Variants in STXBP5L observed in about 807,000 individuals in gnomAD.
The protein encoded by STXBP5L is syntaxin-binding protein 5-like.
In STXBP5L, 65 loss-of-function variants were observed where a neutral mutation model predicts 144.5. That is an observed-to-expected ratio of 0.45 (90% confidence interval 0.37 to 0.55). The LOEUF (loss-of-function observed/expected upper bound fraction) is 0.55. Among genes scored for constraint, STXBP5L ranks in the 20% least tolerant of loss-of-function variants. STXBP5L has a pLI of 0.00. For synonymous variants in STXBP5L, 505 were observed against 469.6 expected (o/e 1.08, Z -0.97); for missense variants, 1,298 against 1,405.5 (o/e 0.92, Z 1.22).
intron 2 of STXBP5L, among the ~76,000 whole-genome samples, chr3:120,945,919 G>A (rs1021314613): frequency 2.0e-5 from 3 of 151,752 alleles, no homozygotes; most frequent in African/African-American, 7.3e-5. Context: ...CATGCTTTTC[G>A]CTTTTCCAGC....
At chr3:121,012,569 C>T (rs1038435813) in intron 3 of STXBP5L, among the ~76,000 whole-genome samples, 18 of 151,542 alleles carry the variant, frequency 1.2e-4, no homozygotes, top group African/African-American at 4.4e-4. Context: ...TAGGCATGTC[C>T]CTGGACTAAT....
intron 3 of STXBP5L, among the ~76,000 whole-genome samples, chr3:121,021,120 T>C (rs1945520394): frequency 8.1e-6 from 1 of 124,204 alleles, no homozygotes; most frequent in Non-Finnish European, 1.6e-5. Flanking sequence ...GGAGTAGCTA[T>C]TTTTTAATAT....
At chr3:121,154,884 C>T (rs1044665332) in intron 8 of STXBP5L, among the ~76,000 whole-genome samples, 2 of 151,722 alleles carry the variant, frequency 1.3e-5, no homozygotes, top group African/African-American at 4.8e-5. Context: ...CTTCCATCAT[C>T]GTGTTGTATA....
chr3:121,053,367 C>G (rs989537145), intron 5 of STXBP5L, among the ~76,000 whole-genome samples: 6 of 152,148 alleles, frequency 3.9e-5, no homozygotes, highest in African/African-American at 1.4e-4. Context: ...GTAACCAAAA[C>G]AGCATGGTAC....
chr3:120,915,550 T>G (rs995678516), intron 2 of STXBP5L, among the ~76,000 whole-genome samples: 4 of 152,174 alleles, frequency 2.6e-5, no homozygotes, highest in African/African-American at 4.8e-5. Context: ...ATGATGATCT[T>G]TATAAAAATG....
chr3:121,290,782 G>A (rs78715334), intron 19 of STXBP5L, among the ~76,000 whole-genome samples: 16,978 of 151,652 alleles, frequency 0.11, 1,042 homozygotes, highest in Non-Finnish European at 0.14. Flanking sequence ...GATACATCAC[G>A]AAACAAAATT....
At chr3:121,130,705 A>C (rs2044943130) in intron 7 of STXBP5L, among the ~76,000 whole-genome samples, 1 of 152,170 alleles carries the variant, frequency 6.6e-6, no homozygotes, top group African/African-American at 2.4e-5. Context: ...ATAGCAGTAT[A>C]CTGTATTATG....
chr3:121,191,412 G>T (rs1044950412), intron 9 of STXBP5L, among the ~76,000 whole-genome samples: 5 of 152,168 alleles, frequency 3.3e-5, no homozygotes, highest in African/African-American at 4.8e-5. Flanking sequence ...GGAGGCGCAC[G>T]CCTGCAATCC....
intron 19 of STXBP5L, among the ~76,000 whole-genome samples, chr3:121,300,818 G>A (rs184692411): frequency 3.4e-4 from 52 of 151,894 alleles, no homozygotes; most frequent in Non-Finnish European, 6.5e-4. Context: ...ATTAAATAGA[G>A]TACACATTCC....
chr3:121,175,331 C>T (rs2046891222), intron 9 of STXBP5L, among the ~76,000 whole-genome samples: 1 of 151,920 alleles, frequency 6.6e-6, no homozygotes. Context: ...TAACTACTGG[C>T]TAGATTAATG....
intron 19 of STXBP5L, among the ~76,000 whole-genome samples, chr3:121,294,041 C>T (rs1250363351): frequency 6.6e-6 from 1 of 152,170 alleles, no homozygotes; most frequent in Non-Finnish European, 1.5e-5. Flanking sequence ...GAAGTAATTA[C>T]AAGAAATTAT....
intron 20 of STXBP5L, among the ~76,000 whole-genome samples, chr3:121,340,953 A>G (rs746958886): frequency 2.8e-4 from 43 of 152,148 alleles, no homozygotes; most frequent in Non-Finnish European, 5.6e-4. Context: ...ATCATGGATT[A>G]TAAGATATTA....
At chr3:121,384,321 A>G (rs1435040006) in intron 22 of STXBP5L, among the ~76,000 whole-genome samples, 1 of 152,126 alleles carries the variant, frequency 6.6e-6, no homozygotes, top group East Asian at 1.9e-4. Context: ...TGACATCTGA[A>G]GTGGAAGTTG....
At chr3:120,941,162 A>G (rs1002038342) in intron 2 of STXBP5L, among the ~76,000 whole-genome samples, 26 of 151,780 alleles carry the variant, frequency 1.7e-4, no homozygotes, top group Admixed American at 1.3e-4. Context: ...ACTCATATAT[A>G]TGAATTTTGA....
chr3:120,994,541 A>G (rs1436557163), intron 3 of STXBP5L, among the ~76,000 whole-genome samples: 1 of 151,982 alleles, frequency 6.6e-6, no homozygotes, highest in Non-Finnish European at 1.5e-5. Flanking sequence ...CTCTGTTTAG[A>G]TGATCATATG....
At chr3:121,311,253 G>C (rs187845641) in intron 19 of STXBP5L, among the ~76,000 whole-genome samples, 1 of 152,156 alleles carries the variant, frequency 6.6e-6, no homozygotes, top group East Asian at 1.9e-4. Flanking sequence ...TGGAACTCCC[G>C]TAAGTTGCTA....
At chr3:121,224,968 A>G (rs1009734931) in intron 11 of STXBP5L, among the ~76,000 whole-genome samples, 1 of 152,114 alleles carries the variant, frequency 6.6e-6, no homozygotes, top group African/African-American at 2.4e-5. Context: ...TGTTAGGACA[A>G]TTTCTAATAA....
At chr3:120,979,002 A>C (rs996241949) in intron 3 of STXBP5L, among the ~76,000 whole-genome samples, 1 of 152,060 alleles carries the variant, frequency 6.6e-6, no homozygotes, top group Non-Finnish European at 1.5e-5. Context: ...GGGGTCAGGG[A>C]CCCACTTGAG....
At chr3:121,004,007 G>C (rs1052836320) in intron 3 of STXBP5L, among the ~76,000 whole-genome samples, 1 of 151,838 alleles carries the variant, frequency 6.6e-6, no homozygotes, top group African/African-American at 2.4e-5. Flanking sequence ...TTGTTCTTTT[G>C]GCTTAGGATT....
Sources: allele counts gnomAD v4.1 joint callset (sites outside exome capture counted in the v4.1 genomes callset), GRCh38; gene constraint gnomAD v4.1.1; transcripts MANE v1.5; gene names NCBI Gene and HGNC (gene_info 2026-07-23, HGNC 2026-07-21).